SHTN1: variants seen among roughly 807,000 people sequenced by gnomAD.
SHTN1 encodes shootin 1, also known as shootin-1.
A neutral mutation model predicts 83.1 loss-of-function variants in SHTN1; 42 were observed. The ratio of observed to expected loss-of-function variants is 0.51; its 90% CI spans 0.39 to 0.65. The LOEUF is 0.65. Among genes scored for constraint, SHTN1 ranks in the 30% least tolerant of loss-of-function variants. The pLI is 0.00. For missense variants in SHTN1, 622 were observed against 737.8 expected (o/e 0.84, Z 1.82); for synonymous variants, 224 against 247.7 (o/e 0.90, Z 0.90).
intron 1 of SHTN1, among the ~76,000 whole-genome samples, chr10:116,981,929 C>T (rs911037758): frequency 6.6e-5 from 10 of 152,054 alleles, no homozygotes; most frequent in South Asian, 6.2e-4. Context: ...CGTGGTAGCG[C>T]GCACCTGTAA....
At chr10:117,076,724 T>C (rs1853161244) in intron 1 of SHTN1, among the ~76,000 whole-genome samples, 1 of 152,176 alleles carries the variant, frequency 6.6e-6, no homozygotes, top group South Asian at 2.1e-4. Flanking sequence ...CTAACTTTGA[T>C]TCACAAAACC....
At chr10:117,049,512 C>T (rs977349277) in intron 1 of SHTN1, among the ~76,000 whole-genome samples, 1 of 152,078 alleles carries the variant, frequency 6.6e-6, no homozygotes, top group Non-Finnish European at 1.5e-5. Context: ...CCAGACAGAG[C>T]CATAAAGAGA....
intron 2 of SHTN1, among the ~76,000 whole-genome samples, chr10:117,032,678 C>A (rs1852435762): frequency 6.6e-6 from 1 of 152,250 alleles, no homozygotes; most frequent in Non-Finnish European, 1.5e-5. Context: ...CAGACTTAAT[C>A]TGCACTGTAG....
At chr10:117,052,783 G>A (rs1589912696) in intron 1 of SHTN1, among the ~76,000 whole-genome samples, 2 of 151,710 alleles carry the variant, frequency 1.3e-5, no homozygotes, top group East Asian at 3.9e-4. Context: ...ACTTTGGGAG[G>A]CTGAGGCAGG....
At chr10:117,029,044 G>A (rs984680273) in intron 2 of SHTN1, among the ~76,000 whole-genome samples, 6 of 152,124 alleles carry the variant, frequency 3.9e-5, no homozygotes, top group African/African-American at 1.4e-4. Flanking sequence ...AGCCACCAAG[G>A]CCAAAACTCT....
chr10:117,059,957 T>TC (rs1852876264), intron 1 of SHTN1, among the ~76,000 whole-genome samples: 1 of 152,172 alleles, frequency 6.6e-6, no homozygotes, highest in Non-Finnish European at 1.5e-5. Context: ...ACGCCTGTAA[T>TC]CCCAACACTT....
intron 1 of SHTN1, among the ~76,000 whole-genome samples, chr10:117,099,515 C>A (rs894222323): frequency 6.6e-6 from 1 of 152,114 alleles, no homozygotes; most frequent in Non-Finnish European, 1.5e-5. Context: ...ACTTAACTTT[C>A]CCAAGTTCAC....
chr10:116,885,594 T>A lies in SHTN1; in HGVS notation c.*750A>T. Reference sequence around the variant, plus strand: ...TGCCACATTAGTATTTGGGAAAACATAATTAACTCATAGCACAGAGCACAT... The same window carrying A: ...TGCCACATTAGTATTTGGGAAAACAAAATTAACTCATAGCACAGAGCACAT... On this transcript the variant is annotated 3_prime_UTR_variant, in exon 17 of 17. Transcript: ENST00000355371. 1 of 152,588 alleles carries A rather than the reference T, an allele frequency of 6.6e-6. No homozygotes were observed. Among genetic ancestry groups the A allele is most frequent in the Non-Finnish European group, 1.5e-5 (1 of 68,040 alleles). 9.5% of individuals were successfully genotyped at this position (152,588 alleles called of 1,614,324 possible).
At chr10:116,994,535 G>A (rs538987571) in intron 1 of SHTN1, among the ~76,000 whole-genome samples, 1 of 152,148 alleles carries the variant, frequency 6.6e-6, no homozygotes, top group African/African-American at 2.4e-5. Context: ...GAGGGAAGGG[G>A]AAGGGGAGAT....
At chr10:117,041,506 G>C (rs916945485) in intron 2 of SHTN1, among the ~76,000 whole-genome samples, 1 of 152,056 alleles carries the variant, frequency 6.6e-6, no homozygotes, top group African/African-American at 2.4e-5. Context: ...TTTCTTTTCT[G>C]CATTTCAATT....
intron 2 of SHTN1, among the ~76,000 whole-genome samples, chr10:116,976,509 C>T (rs1850813540): frequency 6.6e-6 from 1 of 152,168 alleles, no homozygotes; most frequent in Admixed American, 6.5e-5. Context: ...CTTTAATTTG[C>T]TGTCCCTGAA....
chr10:117,107,030 G>T (rs1044645874), intron 1 of SHTN1, among the ~76,000 whole-genome samples: 6 of 152,114 alleles, frequency 3.9e-5, no homozygotes, highest in Non-Finnish European at 5.9e-5. Flanking sequence ...TGTAATGAAG[G>T]TATCTTTAAA....
intron 2 of SHTN1, among the ~76,000 whole-genome samples, chr10:117,020,499 C>CAA (rs375685514): frequency 2.2e-3 from 246 of 109,414 alleles, no homozygotes; most frequent in South Asian, 0.01. Context: ...GACTCCGTCT[C>CAA]AAAAAAAAAA....
intron 8 of SHTN1, among the ~76,000 whole-genome samples, chr10:116,942,746 TA>T (rs1439612157): frequency 3.9e-5 from 6 of 152,194 alleles, no homozygotes; most frequent in Admixed American, 3.3e-4. Flanking sequence ...AAATTAACCT[TA>T]AAAATTGATT....
chr10:117,015,652 A>C (rs1362416110), intron 2 of SHTN1, among the ~76,000 whole-genome samples: 2 of 151,774 alleles, frequency 1.3e-5, no homozygotes, highest in Non-Finnish European at 2.9e-5. Flanking sequence ...TTGAAACCAC[A>C]AATCCAGCCA....
At chr10:116,904,950 C>T (rs1847903977) in intron 15 of SHTN1, among the ~76,000 whole-genome samples, 1 of 151,782 alleles carries the variant, frequency 6.6e-6, no homozygotes, top group South Asian at 2.2e-4. Context: ...GCCTGTAATC[C>T]CAGCACTTTG....
intron 1 of SHTN1, among the ~76,000 whole-genome samples, chr10:117,094,573 C>A: frequency 6.6e-6 from 1 of 152,070 alleles, no homozygotes; most frequent in South Asian, 2.1e-4. Flanking sequence ...CTGCTGACAT[C>A]TCAAAGTATT....
chr10:117,096,032 G>A (rs1392097840), intron 1 of SHTN1, among the ~76,000 whole-genome samples: 3 of 152,220 alleles, frequency 2.0e-5, no homozygotes, highest in South Asian at 2.1e-4. Context: ...ATTCTTAAGC[G>A]ATTCCAACTG....
chr10:116,991,295 T>C (rs1851427802), intron 1 of SHTN1, among the ~76,000 whole-genome samples: 1 of 152,242 alleles, frequency 6.6e-6, no homozygotes. Flanking sequence ...TTGGTTTACA[T>C]TTGTTTCTTA....
Sources: allele counts gnomAD v4.1 joint callset (sites outside exome capture counted in the v4.1 genomes callset), GRCh38; gene constraint gnomAD v4.1.1; transcripts MANE v1.5; gene names NCBI Gene and HGNC (gene_info 2026-07-23, HGNC 2026-07-21).